Variants in MTHFS observed in about 807,000 individuals in gnomAD.
MTHFS encodes the protein methenyltetrahydrofolate synthetase, also known as 5-formyltetrahydrofolate cyclo-ligase.
MTHFS carries 7 observed loss-of-function variants against 12.7 expected under a neutral mutation model. The observed-to-expected ratio is 0.55, with a 90% confidence interval of 0.31 to 1.03. MTHFS has a LOEUF of 1.03. MTHFS is among the 50% of genes least tolerant of loss of function. The probability of loss-of-function intolerance (pLI) is 0.05; values close to 1 mark genes in which losing one functional copy is unlikely to be tolerated. For synonymous variants in MTHFS, 100 were observed against 97.1 expected (o/e 1.03, Z -0.18); for missense variants, 252 against 258.1 (o/e 0.98, Z 0.16).
At chr15:79,897,021 G>A (rs1410577037), upstream of MTHFS, 2 of 1,491,538 alleles carry the variant, frequency 1.3e-6, no homozygotes, top group Non-Finnish European at 1.8e-6. Context: ...TCCCGCCCTC[G>A]GCGCCCTGGG....
intron 1 of MTHFS, among the ~76,000 whole-genome samples, chr15:79,891,060 A>T (rs1175547337): frequency 6.6e-6 from 1 of 152,248 alleles, no homozygotes; most frequent in African/African-American, 2.4e-5. Flanking sequence ...AAGCACAAAA[A>T]AAGAAAATCC....
At chr15:79,872,459 G>C (rs535732574) in intron 2 of MTHFS, among the ~76,000 whole-genome samples, 1 of 152,336 alleles carries the variant, frequency 6.6e-6, no homozygotes, top group East Asian at 1.9e-4. Context: ...TGGCTTTGCC[G>C]GGAAAGAATT....
At chr15:79,859,832 A>C (rs969093775) in intron 2 of MTHFS, among the ~76,000 whole-genome samples, 1 of 151,782 alleles carries the variant, frequency 6.6e-6, no homozygotes, top group African/African-American at 2.4e-5. Flanking sequence ...AAAAAAAAAA[A>C]AAAAAACCCT....
intron 2 of MTHFS, among the ~76,000 whole-genome samples, chr15:79,886,720 T>G (rs1044326987): frequency 1.3e-5 from 2 of 152,236 alleles, no homozygotes; most frequent in Non-Finnish European, 2.9e-5. Flanking sequence ...ATTTTCTGTC[T>G]CATCAGCTAT....
intron 2 of MTHFS, among the ~76,000 whole-genome samples, chr15:79,862,705 T>C (rs1441585828): frequency 6.6e-6 from 1 of 152,244 alleles, no homozygotes; most frequent in Non-Finnish European, 1.5e-5. Context: ...TGTTTTCTCC[T>C]TTTAGCTAAC....
At chr15:79,889,393 ATATT>A in intron 1 of MTHFS, 39 bp from the exon 2 acceptor site, 8 of 1,582,132 alleles carry the variant, frequency 5.1e-6, no homozygotes, top group Non-Finnish European at 6.9e-6. Context: ...TTCCAAGACT[ATATT>A]TAGCAACTCC....
rs373539447 is a variant in MTHFS at position 79,866,627 on chromosome 15, C to T, written c.380-21185G>A. On this transcript the variant is annotated intron_variant, in intron 2 of 2. Coordinates refer to ENST00000258874, the MANE Select transcript of MTHFS (RefSeq NM_006441.4). ...TACACAGAACACGAGGGCAAACACA[C>T]GACCTTCCAAAACATTTTTTTCTTA... Among the ~76,000 whole-genome samples the T allele has an allele frequency of 1.8e-4, 27 of 152,274 alleles. No individual in the cohort carries two copies. In the East Asian group the frequency reaches 2.9e-3, roughly 16 times the overall value.
At chr15:79,873,052 A>G (rs1442877119) in intron 2 of MTHFS, among the ~76,000 whole-genome samples, 1 of 152,196 alleles carries the variant, frequency 6.6e-6, no homozygotes, top group Non-Finnish European at 1.5e-5. Context: ...AACCTCCAGG[A>G]AACAGAGTGA....
intron 1 of MTHFS, among the ~76,000 whole-genome samples, chr15:79,891,990 A>T (rs2034482870): frequency 6.6e-6 from 1 of 151,062 alleles, no homozygotes. Context: ...AAAAAAGAGA[A>T]AGAAAAAGAA....
chr15:79,871,424 G>A (rs1423412169), intron 2 of MTHFS, among the ~76,000 whole-genome samples: 1 of 152,034 alleles, frequency 6.6e-6, no homozygotes, highest in East Asian at 1.9e-4. Context: ...AGACTGAACA[G>A]CCTAACTAAA....
rs184894858 is a variant in MTHFS, at chr15:79,885,597, G to C, written c.379+3496C>G. Among the ~76,000 whole-genome samples, 3 of 152,336 alleles carry C rather than the reference G, an allele frequency of 2.0e-5. No homozygotes were observed. In the East Asian group the frequency reaches 5.8e-4, roughly 29 times the overall value. On this transcript the variant is annotated intron_variant, in intron 2 of 2. Coordinates refer to ENST00000258874, the MANE Select transcript of MTHFS (RefSeq NM_006441.4). ...CTTTTCTTCCTGGTCACAAAGAATG[G>C]GTCAGGGACAGGCACGTAAGACCCA...
At chr15:79,857,469 T>G (rs910450892) in intron 2 of MTHFS, among the ~76,000 whole-genome samples, 2 of 152,184 alleles carry the variant, frequency 1.3e-5, no homozygotes, top group African/African-American at 4.8e-5. Flanking sequence ...AATTACACAG[T>G]ACATTATATT....
At chr15:79,873,488 T>C (rs1490722824) in intron 2 of MTHFS, among the ~76,000 whole-genome samples, 1 of 151,912 alleles carries the variant, frequency 6.6e-6, no homozygotes, top group Non-Finnish European at 1.5e-5. Context: ...CCCTGAAAAA[T>C]CAGAAATTTC....
intron 2 of MTHFS, among the ~76,000 whole-genome samples, chr15:79,864,908 T>C (rs2033982887): frequency 6.6e-6 from 1 of 152,196 alleles, no homozygotes; most frequent in Non-Finnish European, 1.5e-5. Context: ...AATATTTTTA[T>C]GGCTGGCATT....
intron 2 of MTHFS, among the ~76,000 whole-genome samples, chr15:79,849,836 C>T (rs1001136796): frequency 3.3e-5 from 5 of 152,230 alleles, no homozygotes; most frequent in East Asian, 1.9e-4. Flanking sequence ...GCTTCGCTAC[C>T]TTTCCAATGT....
intron 2 of MTHFS, among the ~76,000 whole-genome samples, chr15:79,867,926 TGA>T (rs1023900183): frequency 3.9e-5 from 6 of 151,914 alleles, no homozygotes; most frequent in Non-Finnish European, 8.8e-5. Context: ...AGTGTGTGTG[TGA>T]GAGAGAGAGA....
intron 2 of MTHFS, among the ~76,000 whole-genome samples, chr15:79,886,906 C>T (rs2034392068): frequency 6.6e-6 from 1 of 152,094 alleles, no homozygotes; most frequent in African/African-American, 2.4e-5. Context: ...TAATAAATTA[C>T]CATTTATTCG....
intron 2 of MTHFS, among the ~76,000 whole-genome samples, chr15:79,864,736 T>C (rs980245473): frequency 1.3e-5 from 2 of 151,934 alleles, no homozygotes; most frequent in Admixed American, 6.6e-5. Context: ...TCACACACAG[T>C]AGGACTCTCA....
chr15:79,860,057 G>A (rs192902645), intron 2 of MTHFS, among the ~76,000 whole-genome samples: 4 of 151,964 alleles, frequency 2.6e-5, no homozygotes, highest in East Asian at 3.9e-4. Flanking sequence ...CTGTATCCTC[G>A]CCCTCAAAAT....
Sources: gnomAD v4.1 joint callset for allele counts (sites outside exome capture counted in the v4.1 genomes callset) on GRCh38, gnomAD v4.1.1 for gene constraint, MANE v1.5 for transcripts, NCBI Gene and HGNC (gene_info 2026-07-23, HGNC 2026-07-21) for gene names.